The following STK32B variants were observed in gnomAD, a reference collection of about 807,000 sequenced individuals.
The protein encoded by STK32B is serine/threonine kinase 32B, also known as serine/threonine-protein kinase 32B.
STK32B carries 43 observed loss-of-function variants against 52.6 expected under a neutral mutation model. The observed-to-expected ratio is 0.82, with a 90% CI of 0.64 to 1.05. The LOEUF (loss-of-function observed/expected upper bound fraction) is 1.05. STK32B is among the 50% of genes least tolerant of loss of function. The pLI, the probability that STK32B is intolerant of heterozygous loss-of-function variation, is 0.00. For synonymous variants in STK32B, 238 were observed against 204.3 expected (o/e 1.17, Z -1.41); for missense variants, 621 against 534.6 (o/e 1.16, Z -1.59).
Position 5,112,423 on chromosome 4 carries a change from G to C in STK32B, c.53-27482G>C, listed in dbSNP as rs892396798. The stretch of plus-strand genomic sequence containing the variant: ...GTCCAATCTGAAAGCCTACAGGCTC[G>C]AGACCCAAGAAGAGCTGACATTTCA... On this transcript the variant is annotated intron_variant, in intron 1 of 11. Transcript: ENST00000282908. 2.0e-5 allele frequency among the ~76,000 whole-genome samples: 3 copies of C among 152,268 alleles called. No individual in the cohort carries two copies. The East Asian group carries it at 5.8e-4, about 29-fold the overall frequency.
chr4:5,279,742 G>T (rs1468180276), intron 3 of STK32B, among the ~76,000 whole-genome samples: 1 of 152,202 alleles, frequency 6.6e-6, no homozygotes, highest in Admixed American at 6.5e-5. Context: ...GGCTCCCAAA[G>T]CTCAACTCTT....
chr4:5,038,081 A>G, the STK32B span, among the ~76,000 whole-genome samples: 1 of 152,212 alleles, frequency 6.6e-6, no homozygotes, highest in South Asian at 2.1e-4. Context: ...CTTAGAAACA[A>G]AATGATGGAA....
chr4:5,385,510 A>G (rs1053985569), intron 4 of STK32B, among the ~76,000 whole-genome samples: 1 of 151,844 alleles, frequency 6.6e-6, no homozygotes, highest in East Asian at 1.9e-4. Context: ...ACAAGTGGAG[A>G]TGGCTACATC....
chr4:5,274,731 T>C (rs1727693891), intron 3 of STK32B, among the ~76,000 whole-genome samples: 1 of 152,066 alleles, frequency 6.6e-6, no homozygotes, highest in South Asian at 2.1e-4. Flanking sequence ...TCTTTTTCAC[T>C]CTATTAAATC....
intron 3 of STK32B, among the ~76,000 whole-genome samples, chr4:5,229,919 T>C (rs1724136329): frequency 6.6e-6 from 1 of 152,136 alleles, no homozygotes; most frequent in Admixed American, 6.6e-5. Flanking sequence ...AAGGACACAG[T>C]AGAAGTTCTG....
intron 4 of STK32B, among the ~76,000 whole-genome samples, chr4:5,334,734 T>A (rs1043963974): frequency 6.6e-6 from 1 of 151,516 alleles, no homozygotes; most frequent in Non-Finnish European, 1.5e-5. Context: ...ATTGAGATAA[T>A]CATGTGGTTT....
intron 11 of STK32B, among the ~76,000 whole-genome samples, chr4:5,474,641 C>T (rs1718100461): frequency 6.6e-6 from 1 of 152,184 alleles, no homozygotes; most frequent in Admixed American, 6.5e-5. Flanking sequence ...CATGTAGGTT[C>T]TGTCCAGTCT....
the STK32B span, among the ~76,000 whole-genome samples, chr4:5,043,112 C>CA: frequency 0.047 from 3,416 of 73,420 alleles, 82 homozygotes; most frequent in African/African-American, 0.085. Flanking sequence ...GACTCCGTCT[C>CA]AAAAAAAAAA....
intron 5 of STK32B, among the ~76,000 whole-genome samples, chr4:5,415,591 G>A (rs1187568523): frequency 1.3e-5 from 2 of 152,194 alleles, no homozygotes; most frequent in African/African-American, 4.8e-5. Flanking sequence ...GTGCATCCCA[G>A]CAAAGACCTG....
In STK32B at chr4:5,136,348, A is replaced by G. The variant is rs777014934; in HGVS notation, c.53-3557A>G. ...TTGCAGCAGTGCGTTTCCCATTTCT[A>G]CCCTAGTGGTACACTTTTAGCGGTG... On this transcript the variant is annotated intron_variant, in intron 1 of 11. Transcript: ENST00000282908. 4.0e-5 allele frequency among the ~76,000 whole-genome samples: 6 copies of G among 151,764 alleles called. No homozygotes were observed. In the South Asian group the frequency reaches 8.4e-4, roughly 21 times the overall value.
intron 4 of STK32B, among the ~76,000 whole-genome samples, chr4:5,392,186 A>G (rs1361211460): frequency 6.6e-6 from 1 of 152,140 alleles, no homozygotes; most frequent in Non-Finnish European, 1.5e-5. Flanking sequence ...TGTAATCCCA[A>G]CACTTTGGGA....
intron 1 of STK32B, among the ~76,000 whole-genome samples, chr4:5,075,872 G>A (rs963762512): frequency 2.6e-5 from 4 of 152,046 alleles, no homozygotes; most frequent in Admixed American, 1.3e-4. Context: ...CAGTGCAGGG[G>A]TCCATGTAAT....
chr4:5,341,095 G>T (rs6813036), intron 4 of STK32B, among the ~76,000 whole-genome samples: 20 of 151,980 alleles, frequency 1.3e-4, no homozygotes, highest in Non-Finnish European at 2.2e-4. Context: ...ACTGTTTACA[G>T]AATGCTCATA....
chr4:5,370,955 G>C (rs963540982), intron 4 of STK32B, among the ~76,000 whole-genome samples: 11 of 148,244 alleles, frequency 7.4e-5, no homozygotes, highest in African/African-American at 2.5e-4. Context: ...CCTAGGTGAC[G>C]AAGCAAGACA....
intron 3 of STK32B, among the ~76,000 whole-genome samples, chr4:5,210,414 A>G (rs1722838616): frequency 6.6e-6 from 1 of 152,086 alleles, no homozygotes; most frequent in South Asian, 2.1e-4. Context: ...TCGTCCATCC[A>G]TCTCTGCACA....
At chr4:5,299,257 T>G (rs1194224811) in intron 3 of STK32B, among the ~76,000 whole-genome samples, 1 of 151,960 alleles carries the variant, frequency 6.6e-6, no homozygotes, top group Non-Finnish European at 1.5e-5. Flanking sequence ...TCTTGCCAGA[T>G]CCTTCTTTTT....
chr4:5,192,458 A>T (rs953641211), intron 3 of STK32B, among the ~76,000 whole-genome samples: 1 of 152,226 alleles, frequency 6.6e-6, no homozygotes, highest in African/African-American at 2.4e-5. Context: ...AGTTCATAAC[A>T]TTTACACACA....
chr4:5,019,929 C>A, the STK32B span, among the ~76,000 whole-genome samples: 2 of 152,106 alleles, frequency 1.3e-5, no homozygotes, highest in Non-Finnish European at 2.9e-5. Context: ...CCAGGCAGCC[C>A]GCAGTGGAGC....
chr4:5,102,919 C>T (rs1713903523), intron 1 of STK32B, among the ~76,000 whole-genome samples: 1 of 110,006 alleles, frequency 9.1e-6, no homozygotes, highest in Non-Finnish European at 1.9e-5. Context: ...CCCCTCCCCT[C>T]CCTTCTCCTC....
Sources: gnomAD v4.1 joint callset for allele counts (sites outside exome capture counted in the v4.1 genomes callset) on GRCh38, gnomAD v4.1.1 for gene constraint, MANE v1.5 for transcripts, NCBI Gene and HGNC (gene_info 2026-07-23, HGNC 2026-07-21) for gene names.